Variants in ADGRG4 observed in about 807,000 individuals in gnomAD.
The protein encoded by ADGRG4 is adhesion G protein-coupled receptor G4, also known as G protein-coupled receptor 112.
A neutral mutation model predicts 126.2 loss-of-function variants in ADGRG4; 122 were observed. That is an observed-to-expected ratio of 0.97 (90% CI 0.83 to 1.12). The LOEUF (loss-of-function observed/expected upper bound fraction) is 1.12, where lower values mean the gene tolerates loss of function less well. Ranked by LOEUF, ADGRG4 falls within the 50% of genes most tolerant of loss-of-function variation. ADGRG4 has a pLI of 0.00. For synonymous variants in ADGRG4, 943 were observed against 838.7 expected (o/e 1.12, Z -2.15); for missense variants, 2,481 against 2,251.8 (o/e 1.10, Z -2.06).
intron 15 of ADGRG4, among the ~76,000 whole-genome samples, chrX:136,375,079 T>G (rs1409383638): frequency 9.0e-6 from 1 of 110,844 alleles, no homozygotes; most frequent in Non-Finnish European, 1.9e-5. Flanking sequence ...TACATCATTC[T>G]TATGCCTTTG....
Position 136,346,560 on chromosome X carries a change from G to A in ADGRG4, c.2854G>A (p.Gly952Arg), listed in dbSNP as rs2075018582. The A allele has an allele frequency of 3.3e-6, 4 of 1,208,620 alleles. No individual in the cohort carries two copies. The African/African-American group carries it at 5.2e-5, about 16-fold the overall frequency. ...TSETSEGISA[G>R]SPTSGSTHIF... Reference sequence around the variant, plus strand: ...AGAGACATCTGAGGGAATTTCAGCTGGATCTCCCACTTCTGGGAGCACACA... The same window carrying A: ...AGAGACATCTGAGGGAATTTCAGCTAGATCTCCCACTTCTGGGAGCACACA... The change falls in exon 6 of 26, where the codon GGA (glycine) becomes AGA (arginine). Residue 952 changes from glycine to arginine, a missense_variant. Physicochemically the swap from Gly to Arg is moderately radical, Grantham distance 125 (BLOSUM62 -2). Coordinates refer to ENST00000394143, the MANE Select transcript of ADGRG4 (RefSeq NM_153834.4).
At chrX:136,327,543 A>G in intron 5 of ADGRG4, among the ~76,000 whole-genome samples, 1 of 109,907 alleles carries the variant, frequency 9.1e-6, no homozygotes, top group Non-Finnish European at 1.9e-5. Flanking sequence ...TAATACTATC[A>G]TGGACAGACA....
chrX:136,362,838 A>C lies in ADGRG4; in HGVS notation c.7278-639A>C, dbSNP rs557324533. 2.7e-5 allele frequency among the ~76,000 whole-genome samples: 3 copies of C among 111,356 alleles called. No individual in the cohort carries two copies. The East Asian group carries it at 8.5e-4, about 32-fold the overall frequency. On this transcript the variant is annotated intron_variant, in intron 12 of 25. Coordinates refer to ENST00000394143, the MANE Select transcript of ADGRG4 (RefSeq NM_153834.4). ...TTGTTTATACAGCTTTTCATCTTAT[A>C]TTTGCCCTAAGTTTCGAGTAGTTAC...
chrX:136,399,299 A>G lies in ADGRG4; in HGVS notation c.8307-549A>G, dbSNP rs768999495. On this transcript the variant is annotated intron_variant, in intron 20 of 25. Coordinates refer to ENST00000394143, the MANE Select transcript of ADGRG4 (RefSeq NM_153834.4). Reference sequence around the variant, plus strand: ...AGAAAAAAATTCACACAAAATGAAAACAGCAAAATTTAAATCAATAAATAT... The same window carrying G: ...AGAAAAAAATTCACACAAAATGAAAGCAGCAAAATTTAAATCAATAAATAT... Among the ~76,000 whole-genome samples, 360 of 112,750 alleles carry G rather than the reference A, an allele frequency of 3.2e-3. 1 individual carries two copies. The highest frequency in any genetic ancestry group is 0.011 in the African/African-American group (333 of 31,113).
Position 136,385,451 on chromosome X carries a change from TTC to T in ADGRG4, c.7777-2287_7777-2286del, listed in dbSNP as rs759080141. ...TCCAATTATACTCAAAGTTTAGAAT[TTC>T]TGTTTTGTTTGTTTCTGTTTCTTTT... On this transcript the variant is annotated intron_variant, in intron 15 of 25. Coordinates refer to ENST00000394143, the MANE Select transcript of ADGRG4 (RefSeq NM_153834.4). Among the ~76,000 whole-genome samples, 8 of 111,966 alleles carry T rather than the reference TTC, an allele frequency of 7.1e-5. No individual in the cohort carries two copies. The East Asian group carries it at 1.7e-3, about 23-fold the overall frequency.
chrX:136,323,544 A>G (rs2074853556), intron 5 of ADGRG4, 152 bp downstream of exon 5: 3 of 446,645 alleles, frequency 6.7e-6, no homozygotes, highest in East Asian at 3.8e-5. Context: ...ATGATTTCAA[A>G]CTTATAGAAA....
chrX:136,396,343 C>A (rs954906703), intron 19 of ADGRG4, among the ~76,000 whole-genome samples: 1 of 102,808 alleles, frequency 9.7e-6, no homozygotes, highest in Admixed American at 1.1e-4. Context: ...GGCTGTGGGT[C>A]TGTTTTATAT....
rs1176232670 is a variant in ADGRG4, at chrX:136,344,966, A to G, written c.1260A>G (p.Gln420=). 8.3e-7 allele frequency: 1 copy of G among 1,209,583 alleles called. No homozygotes were observed. The highest frequency in any genetic ancestry group is 1.1e-6 in the Non-Finnish European group (1 of 894,737). The stretch of plus-strand genomic sequence containing the variant: ...TGTCTACAACACCTTGTCTCAAACA[A>G]AAATCCACAAATACTGGGGCACTCC... ...TSMSTTPCLK[Q]KSTNTGALPI... is the part of the protein sequence containing the mutation. The change falls in exon 6 of 26, where the codon CAA becomes CAG. Residue 420 remains glutamine, a synonymous_variant. Transcript: ENST00000394143.
chrX:136,356,428 C>T (rs760926820), intron 9 of ADGRG4, among the ~76,000 whole-genome samples: 66 of 111,528 alleles, frequency 5.9e-4, no homozygotes, highest in African/African-American at 2.0e-3. Flanking sequence ...TGAATTTCTT[C>T]GTTATAGATG....
chrX:136,396,648 C>T (rs113822109), intron 19 of ADGRG4, among the ~76,000 whole-genome samples: 2,723 of 105,866 alleles, frequency 0.026, 108 homozygotes, highest in African/African-American at 0.087. Flanking sequence ...CTTGTTCCAG[C>T]TCTGTCTGTA....
rs767647743 is a variant in ADGRG4 at position 136,349,110 on chromosome X, T to A, written c.5404T>A (p.Leu1802Ile). The A allele has an allele frequency of 5.8e-6, 7 of 1,206,499 alleles. No homozygotes were observed. The Admixed American group carries it at 1.5e-4, about 26-fold the overall frequency. ...SSNTRKMTSL[L>I]EKTSLTNYAT... is the part of the protein sequence containing the mutation. The stretch of plus-strand genomic sequence containing the variant: ...TAATACTAGAAAGATGACTTCCTTG[T>A]TAGAAAAGACTTCCTTAACAAACTA... The change falls in exon 6 of 26, where the codon TTA becomes ATA. Residue 1802 changes from leucine to isoleucine, a missense_variant. By Grantham distance (5) the Leu-to-Ile change is conservative (BLOSUM62 2). Transcript: ENST00000394143.
intron 12 of ADGRG4, among the ~76,000 whole-genome samples, chrX:136,362,242 A>C (rs1163078579): frequency 9.0e-6 from 1 of 111,349 alleles, no homozygotes; most frequent in African/African-American, 3.3e-5. Context: ...TCTTTTAGAA[A>C]GCAACATTAG....
At chrX:136,359,703 C>T (rs141614108) in intron 11 of ADGRG4, among the ~76,000 whole-genome samples, 202 of 111,075 alleles carry the variant, frequency 1.8e-3, no homozygotes, top group Non-Finnish European at 3.1e-3. Flanking sequence ...AATGGCCAAT[C>T]CGTCAATGGA....
intron 25 of ADGRG4, among the ~76,000 whole-genome samples, chrX:136,416,214 A>G (rs1223047133): frequency 8.9e-6 from 1 of 111,962 alleles, no homozygotes. Context: ...AAGGTCAATA[A>G]TGCTGCCTCT....
chrX:136,306,653 A>C (rs1290150391), intron 3 of ADGRG4, among the ~76,000 whole-genome samples: 2 of 108,987 alleles, frequency 1.8e-5, no homozygotes, highest in Non-Finnish European at 3.8e-5. Flanking sequence ...AAAATTCCTC[A>C]TGCCCCATCC....
chrX:136,330,623 A>C (rs766126776), intron 5 of ADGRG4, among the ~76,000 whole-genome samples: 1 of 110,956 alleles, frequency 9.0e-6, no homozygotes, highest in South Asian at 3.8e-4. Context: ...ATAAGTTTTT[A>C]TTTCTCTGGG....
At chrX:136,376,305 T>C (rs1055176005) in intron 15 of ADGRG4, among the ~76,000 whole-genome samples, 3 of 112,465 alleles carry the variant, frequency 2.7e-5, no homozygotes, top group African/African-American at 9.7e-5. Context: ...ACTATAGCCT[T>C]GCAGTATAAT....
chrX:136,393,449 T>A, intron 17 of ADGRG4, 86 bp from the exon 18 acceptor site: 1 of 775,779 alleles, frequency 1.3e-6, no homozygotes, highest in Non-Finnish European at 1.9e-6. Flanking sequence ...GGAAAAAATA[T>A]TGGGAAGAAA....
intron 23 of ADGRG4, among the ~76,000 whole-genome samples, chrX:136,409,089 A>AC (rs1358990561): frequency 6.2e-5 from 6 of 97,517 alleles, no homozygotes; most frequent in African/African-American, 2.3e-4. Flanking sequence ...ACACACACAC[A>AC]ACCCGAATAA....
Sources: gnomAD v4.1 joint callset for allele counts (sites outside exome capture counted in the v4.1 genomes callset) on GRCh38, gnomAD v4.1.1 for gene constraint, MANE v1.5 for transcripts, NCBI Gene and HGNC (gene_info 2026-07-23, HGNC 2026-07-21) for gene names.